Variants in MDFIC observed in about 807,000 individuals in gnomAD.
MDFIC encodes the protein myoD family inhibitor domain-containing protein.
MDFIC carries 17 observed loss-of-function variants against 23.2 expected under a neutral mutation model. The ratio of observed to expected loss-of-function variants is 0.73; its 90% CI spans 0.50 to 1.10. MDFIC has a LOEUF of 1.10. Among genes scored for constraint, MDFIC ranks in the 50% least tolerant of loss-of-function variants. The probability of loss-of-function intolerance (pLI) is 0.00; values close to 1 mark genes in which losing one functional copy is unlikely to be tolerated. For missense variants in MDFIC, 356 were observed against 316.6 expected, an observed-to-expected ratio of 1.12 and a Z score of -0.95; for synonymous variants, 120 against 115.2, an observed-to-expected ratio of 1.04 and a Z score of -0.27.
At chr7:114,962,494 A>G (rs1185710259) in intron 3 of MDFIC, among the ~76,000 whole-genome samples, 3 of 152,176 alleles carry the variant, frequency 2.0e-5, no homozygotes, top group Admixed American at 2.0e-4. Context: ...TGCCTTTATG[A>G]TAAAAACTGC....
chr7:114,995,969 G>A (rs886423852), intron 4 of MDFIC, among the ~76,000 whole-genome samples: 5 of 152,164 alleles, frequency 3.3e-5, no homozygotes, highest in African/African-American at 7.2e-5. Context: ...ACCCAGCATT[G>A]TGTTATTCTT....
chr7:114,943,644 T>C lies in MDFIC; in HGVS notation c.217+1247T>C, dbSNP rs183953369. On this transcript the variant is annotated intron_variant, in intron 3 of 4. Coordinates refer to ENST00000393486, the MANE Select transcript of MDFIC (RefSeq NM_001166345.3). ...AGTAAATATTTATCTGAAAAACATA[T>C]ATTGATTAGCATTTATCTAATATTG... Among the ~76,000 whole-genome samples, 43 of 152,296 alleles carry C rather than the reference T, an allele frequency of 2.8e-4. No individual in the cohort carries two copies. In the East Asian group the frequency reaches 7.7e-3, roughly 27 times the overall value.
chr7:115,015,127 A>G (rs1026825952), intron 4 of MDFIC, among the ~76,000 whole-genome samples: 1 of 152,236 alleles, frequency 6.6e-6, no homozygotes, highest in African/African-American at 2.4e-5. Context: ...GTGAAATAAA[A>G]AGACTAAAAC....
intron 4 of MDFIC, among the ~76,000 whole-genome samples, chr7:115,014,729 T>C (rs958859797): frequency 6.6e-6 from 1 of 152,210 alleles, no homozygotes; most frequent in African/African-American, 2.4e-5. Flanking sequence ...TAAATGATGT[T>C]ATTACATGTG....
intron 2 of MDFIC, among the ~76,000 whole-genome samples, chr7:114,936,557 TA>T (rs568088461): frequency 3.2e-3 from 485 of 149,414 alleles, no homozygotes; most frequent in African/African-American, 5.3e-3. Flanking sequence ...GATTTATGTT[TA>T]AAAAAAAAAG....
intron 3 of MDFIC, among the ~76,000 whole-genome samples, chr7:114,967,270 A>C (rs1234897818): frequency 6.6e-6 from 1 of 152,154 alleles, no homozygotes; most frequent in Admixed American, 6.6e-5. Context: ...TCAGCCTGTG[A>C]CTCAGTTCTG....
intron 4 of MDFIC, among the ~76,000 whole-genome samples, chr7:114,999,731 T>C (rs1307214506): frequency 6.6e-6 from 1 of 151,446 alleles, no homozygotes; most frequent in African/African-American, 2.4e-5. Context: ...ATTAGGAAGA[T>C]TCACTTATGA....
chr7:114,947,238 T>C (rs1359130464), intron 3 of MDFIC, among the ~76,000 whole-genome samples: 1 of 152,202 alleles, frequency 6.6e-6, no homozygotes, highest in Non-Finnish European at 1.5e-5. Flanking sequence ...TATTTCATGC[T>C]CATTCATTTT....
At chr7:114,964,958 A>G (rs1381269274) in intron 3 of MDFIC, among the ~76,000 whole-genome samples, 1 of 152,188 alleles carries the variant, frequency 6.6e-6, no homozygotes, top group Non-Finnish European at 1.5e-5. Flanking sequence ...GAGTGACTAT[A>G]TGAATGAAGG....
At chr7:114,939,705 C>T (rs936246355) in intron 2 of MDFIC, among the ~76,000 whole-genome samples, 15 of 152,228 alleles carry the variant, frequency 9.9e-5, no homozygotes, top group African/African-American at 3.6e-4. Flanking sequence ...GGACATGATT[C>T]AAATATGAGT....
chr7:114,979,390 C>A, intron 3 of MDFIC, 116 bp from the exon 4 acceptor site: 1 of 998,502 alleles, frequency 1.0e-6, no homozygotes, highest in Non-Finnish European at 1.4e-6. Context: ...GTTGCCTCTT[C>A]AGTGTTAGTA....
At chr7:114,947,536 G>T (rs1248852295) in intron 3 of MDFIC, among the ~76,000 whole-genome samples, 1 of 152,124 alleles carries the variant, frequency 6.6e-6, no homozygotes, top group African/African-American at 2.4e-5. Context: ...CTGTATTCTA[G>T]CATGGAGGTC....
rs150282089 is a variant in MDFIC, at chr7:114,931,974, G to A, written c.94+8847G>A. Among the ~76,000 whole-genome samples, 45 of 152,212 alleles carry A rather than the reference G, an allele frequency of 3.0e-4. No individual in the cohort carries two copies. The East Asian group carries it at 8.1e-3, about 27-fold the overall frequency. On this transcript the variant is annotated intron_variant, in intron 2 of 4. Coordinates refer to ENST00000393486, the MANE Select transcript of MDFIC (RefSeq NM_001166345.3). Reference sequence around the variant, plus strand: ...TCCTACTCTTTTTCAAGGTGAATCCGCCCTGATCTTTCGGGTGTTTGTAAA... The same window carrying A: ...TCCTACTCTTTTTCAAGGTGAATCCACCCTGATCTTTCGGGTGTTTGTAAA...
In MDFIC at chr7:114,922,279, G is replaced by T. The variant is rs533762388; in HGVS notation, c.-465G>T. 1,328 of 797,548 alleles carry T rather than the reference G, an allele frequency of 1.7e-3. 2 individuals carry two copies. The highest frequency in any genetic ancestry group is 2.1e-3 in the Non-Finnish European group (1,243 of 592,256). 49.4% of individuals were successfully genotyped at this position (797,548 alleles called of 1,614,324 possible). On this transcript the variant is annotated 5_prime_UTR_variant, in exon 1 of 5. Coordinates refer to ENST00000393486, the MANE Select transcript of MDFIC (RefSeq NM_001166345.3). ...AAGAGTTCGAGGCCTTCCCGATCCGGATGTGATGAAAAAGAGCAACAGAGG... is the reference window on the plus strand; with the variant it reads ...AAGAGTTCGAGGCCTTCCCGATCCGTATGTGATGAAAAAGAGCAACAGAGG...
chr7:114,968,425 A>G lies in MDFIC; in HGVS notation c.218-11081A>G, dbSNP rs948786005. 3.2e-4 allele frequency among the ~76,000 whole-genome samples: 48 copies of G among 152,338 alleles called. 2 individuals carry two copies. The highest frequency in any genetic ancestry group is 3.1e-3 in the Admixed American group (47 of 15,296). ...CACATATAAAGAAGAATTAAAAATT[A>G]GTATATGTGAATCTACTTCTGCAAG... On this transcript the variant is annotated intron_variant, in intron 3 of 4. Coordinates refer to ENST00000393486, the MANE Select transcript of MDFIC (RefSeq NM_001166345.3).
At chr7:114,988,104 G>T (rs1435897740) in intron 4 of MDFIC, among the ~76,000 whole-genome samples, 1 of 152,174 alleles carries the variant, frequency 6.6e-6, no homozygotes, top group Admixed American at 6.5e-5. Context: ...GAAGCTATCA[G>T]CTATGTATGG....
intron 3 of MDFIC, among the ~76,000 whole-genome samples, chr7:114,969,440 G>A (rs1383039029): frequency 1.3e-5 from 2 of 152,114 alleles, no homozygotes; most frequent in African/African-American, 4.8e-5. Context: ...TGTCTGATAC[G>A]GTTGACGGAA....
At chr7:114,991,901 C>A (rs1037701372) in intron 4 of MDFIC, among the ~76,000 whole-genome samples, 1 of 152,144 alleles carries the variant, frequency 6.6e-6, no homozygotes, top group Admixed American at 6.5e-5. Context: ...TCATTGGTAG[C>A]TTGATGGGGA....
chr7:114,924,655 C>T (rs1025941439), intron 2 of MDFIC, among the ~76,000 whole-genome samples: 5 of 152,010 alleles, frequency 3.3e-5, no homozygotes, highest in Admixed American at 2.0e-4. Flanking sequence ...CTGAAAATTG[C>T]CTTAGCTTTA....
Sources: gnomAD v4.1 joint callset for allele counts (sites outside exome capture counted in the v4.1 genomes callset) on GRCh38, gnomAD v4.1.1 for gene constraint, MANE v1.5 for transcripts, NCBI Gene and HGNC (gene_info 2026-07-23, HGNC 2026-07-21) for gene names.